The following ZNF536 variants were observed in gnomAD, a reference collection of about 807,000 sequenced individuals.
ZNF536 encodes the protein zinc finger protein 536.
In ZNF536, 13 loss-of-function variants were observed where a neutral mutation model predicts 84.5. The ratio of observed to expected loss-of-function variants is 0.15; its 90% CI spans 0.10 to 0.24. ZNF536 has a LOEUF of 0.24. Among genes scored for constraint, ZNF536 ranks in the 10% least tolerant of loss-of-function variants. The pLI is 1.00. For synonymous variants in ZNF536, 811 were observed against 742.5 expected (o/e 1.09, Z -1.50); for missense variants, 1,536 against 1,747.5 (o/e 0.88, Z 2.16).
intron 1 of ZNF536, among the ~76,000 whole-genome samples, chr19:30,378,779 C>T (rs1908895127): frequency 6.6e-6 from 1 of 152,198 alleles, no homozygotes; most frequent in Non-Finnish European, 1.5e-5. Flanking sequence ...AGCATGAAAC[C>T]TTGAGTGCCC....
intron 1 of ZNF536, among the ~76,000 whole-genome samples, chr19:30,633,018 C>A (rs558907225): frequency 3.9e-5 from 6 of 152,198 alleles, no homozygotes; most frequent in Admixed American, 1.3e-4. Flanking sequence ...CCAGCCAAGC[C>A]CTTTTCAATA....
chr19:30,233,069 G>A (rs2023195311), intron 1 of ZNF536, among the ~76,000 whole-genome samples: 1 of 152,208 alleles, frequency 6.6e-6, no homozygotes, highest in Non-Finnish European at 1.5e-5. Flanking sequence ...AGTCCAGGGG[G>A]TTGGACTGTG....
chr19:30,658,084 G>A (rs1362030724), intron 1 of ZNF536, among the ~76,000 whole-genome samples: 2 of 149,678 alleles, frequency 1.3e-5, no homozygotes, highest in Non-Finnish European at 3.0e-5. Flanking sequence ...GTGCAGTGGC[G>A]CAATCTCGGC....
At chr19:30,428,357 C>A (rs2051304096) in intron 1 of ZNF536, among the ~76,000 whole-genome samples, 1 of 152,230 alleles carries the variant, frequency 6.6e-6, no homozygotes, top group Non-Finnish European at 1.5e-5. Flanking sequence ...TTCCCAGGTA[C>A]ATTAGCATTG....
At chr19:30,316,801 A>G (rs1600194142) in intron 2 of ZNF536, among the ~76,000 whole-genome samples, 1 of 152,332 alleles carries the variant, frequency 6.6e-6, no homozygotes, top group African/African-American at 2.4e-5. Context: ...CATAAAGCCT[A>G]CATGATTTGC....
chr19:30,343,260 C>A (rs1600300773), intron 2 of ZNF536, among the ~76,000 whole-genome samples: 1 of 152,276 alleles, frequency 6.6e-6, no homozygotes, highest in South Asian at 2.1e-4. Flanking sequence ...GGCTTCATAC[C>A]CTCATTTTGT....
At chr19:30,481,853 C>T (rs1048439364) in intron 2 of ZNF536, among the ~76,000 whole-genome samples, 2 of 151,894 alleles carry the variant, frequency 1.3e-5, no homozygotes, top group East Asian at 1.9e-4. Flanking sequence ...CAAAGTCCAT[C>T]GTATCATTCT....
At chr19:30,550,372 C>A (rs1464567991) in intron 4 of ZNF536, among the ~76,000 whole-genome samples, 1 of 152,196 alleles carries the variant, frequency 6.6e-6, no homozygotes, top group East Asian at 1.9e-4. Flanking sequence ...CAGGGGGAAT[C>A]AAAGTCATTG....
At chr19:30,484,077 G>T (rs1771670138) in intron 2 of ZNF536, among the ~76,000 whole-genome samples, 1 of 151,922 alleles carries the variant, frequency 6.6e-6, no homozygotes, top group Non-Finnish European at 1.5e-5. Flanking sequence ...CCCCGCTGGT[G>T]CACCCTGCCC....
At chr19:30,613,966 G>T (rs546601589) in intron 1 of ZNF536, among the ~76,000 whole-genome samples, 1 of 152,314 alleles carries the variant, frequency 6.6e-6, no homozygotes, top group African/African-American at 2.4e-5. Context: ...GCGTTAAAGC[G>T]ATTCTTCTGT....
intron 3 of ZNF536, among the ~76,000 whole-genome samples, chr19:30,538,941 C>G (rs1011215293): frequency 2.0e-5 from 3 of 152,160 alleles, no homozygotes; most frequent in Middle Eastern, 3.4e-3. Flanking sequence ...GGCACAGTGG[C>G]TCATACCTGT....
chr19:30,324,647 C>T (rs2046965210), intron 2 of ZNF536, among the ~76,000 whole-genome samples: 1 of 152,234 alleles, frequency 6.6e-6, no homozygotes, highest in Non-Finnish European at 1.5e-5. Flanking sequence ...TTACCTTGGT[C>T]TCCCAAAGTG....
chr19:30,389,030 C>T (rs2049466941), intron 1 of ZNF536, among the ~76,000 whole-genome samples: 1 of 152,176 alleles, frequency 6.6e-6, no homozygotes, highest in African/African-American at 2.4e-5. Context: ...AGTCCCATGC[C>T]CCATCTCTCT....
At chr19:30,246,071 C>T (rs2024252505) in intron 1 of ZNF536, among the ~76,000 whole-genome samples, 1 of 152,114 alleles carries the variant, frequency 6.6e-6, no homozygotes, top group African/African-American at 2.4e-5. Flanking sequence ...CCCCGGCCCC[C>T]TGATTGGTGA....
At chr19:30,242,198 A>T (rs1436354827) in intron 1 of ZNF536, among the ~76,000 whole-genome samples, 1 of 151,910 alleles carries the variant, frequency 6.6e-6, no homozygotes, top group African/African-American at 2.4e-5. Context: ...TCTTCTTCCT[A>T]GGCAAATATC....
At chr19:30,665,411 GTC>G (rs1313415169) in intron 1 of ZNF536, 1 of 152,248 alleles carries the variant, frequency 6.6e-6, no homozygotes, top group South Asian at 2.1e-4. Context: ...TTGAAGAGCT[GTC>G]TTGGGGGATG....
At chr19:30,672,700 G>A (rs1223212962) in intron 1 of ZNF536, among the ~76,000 whole-genome samples, 3 of 152,198 alleles carry the variant, frequency 2.0e-5, no homozygotes, top group African/African-American at 7.2e-5. Flanking sequence ...TGTGACTTTA[G>A]TCCTTTGCTT....
At chr19:30,693,215 C>T (rs1021285462) in intron 1 of ZNF536, among the ~76,000 whole-genome samples, 7 of 152,206 alleles carry the variant, frequency 4.6e-5, no homozygotes, top group African/African-American at 1.7e-4. Flanking sequence ...TGAGCTGACC[C>T]TCTTGGGTCC....
chr19:30,610,459 A>T (rs1265651811), intron 1 of ZNF536, among the ~76,000 whole-genome samples: 1 of 152,118 alleles, frequency 6.6e-6, no homozygotes, highest in Non-Finnish European at 1.5e-5. Flanking sequence ...GGGGAGGCTA[A>T]GTCTGTGGAT....
Sources: allele counts gnomAD v4.1 joint callset (sites outside exome capture counted in the v4.1 genomes callset), GRCh38; gene constraint gnomAD v4.1.1; transcripts MANE v1.5; gene names NCBI Gene and HGNC (gene_info 2026-07-23, HGNC 2026-07-21).